The following FAAP20 variants were observed in gnomAD, a reference collection of about 807,000 sequenced individuals.
The protein encoded by FAAP20 is Fanconi anemia core complex-associated protein 20.
In FAAP20, 12 loss-of-function variants were observed where a neutral mutation model predicts 16.2. The ratio of observed to expected loss-of-function variants is 0.74; its 90% confidence interval spans 0.48 to 1.20. FAAP20 has a LOEUF of 1.20. Ranked by LOEUF, FAAP20 falls within the 50% of genes most tolerant of loss-of-function variation. The pLI, the probability that FAAP20 is intolerant of heterozygous loss-of-function variation, is 0.00. For synonymous variants in FAAP20, 141 were observed against 110.7 expected (o/e 1.27, Z -1.72); for missense variants, 288 against 245.8 (o/e 1.17, Z -1.15).
At chr1:2,192,952 C>T (rs746106653) in intron 3 of FAAP20, 39 of 1,303,930 alleles carry the variant, frequency 3.0e-5, no homozygotes, top group Non-Finnish European at 3.6e-5. Flanking sequence ...CCGGTGCCTT[C>T]GCATTCCCGA....
chr1:2,195,444 C>T (rs1688772962), upstream of FAAP20, among the ~76,000 whole-genome samples: 1 of 152,248 alleles, frequency 6.6e-6, no homozygotes, highest in South Asian at 2.1e-4. Flanking sequence ...TCTCCCTTGG[C>T]CCTGCTGGGC....
At chr1:2,193,445 G>A in intron 3 of FAAP20, 194 bp downstream of exon 3, 1 of 847,270 alleles carries the variant, frequency 1.2e-6, no homozygotes, top group Non-Finnish European at 1.7e-6. Context: ...ACAGAGCACG[G>A]CAAGCAGGTG....
chr1:2,211,424 TATATATA>T (rs1689438744), downstream of FAAP20, among the ~76,000 whole-genome samples: 4 of 30,744 alleles, frequency 1.3e-4, no homozygotes, highest in East Asian at 9.7e-4. Flanking sequence ...TATATATATA[TATATATA>T]TATATTTTTT....
At chr1:2,185,340 G>A (rs898954504), downstream of FAAP20, 6 of 718,676 alleles carry the variant, frequency 8.3e-6, no homozygotes, top group Middle Eastern at 2.3e-4. Flanking sequence ...GACCTGCTCC[G>A]CCAGGAAAGT....
At chr1:2,210,444 A>G (rs1020262656), downstream of FAAP20, among the ~76,000 whole-genome samples, 3 of 151,886 alleles carry the variant, frequency 2.0e-5, no homozygotes, top group Non-Finnish European at 4.4e-5. Flanking sequence ...CCCACCCCAG[A>G]CCCTGCCCTC....
At chr1:2,211,436 T>TATATATATATATA (rs1491468080), downstream of FAAP20, among the ~76,000 whole-genome samples, 6 of 7,444 alleles carry the variant, frequency 8.1e-4, no homozygotes, top group African/African-American at 1.7e-3. Context: ...TATATATATA[T>TATATATATATATA]TTTTTTTTTT....
intron 3 of FAAP20, chr1:2,192,308 C>T (rs777456184): frequency 3.1e-5 from 31 of 986,602 alleles, no homozygotes; most frequent in Non-Finnish European, 3.7e-5. Context: ...CTCTCCCTTA[C>T]GATCAAGTGT....
chr1:2,202,521 T>C (rs943330227), upstream of FAAP20, among the ~76,000 whole-genome samples: 1 of 152,202 alleles, frequency 6.6e-6, no homozygotes, highest in African/African-American at 2.4e-5. Context: ...TGGAGTCTAG[T>C]GGCATGATCT....
At chr1:2,201,839 A>T (rs1040993482), upstream of FAAP20, among the ~76,000 whole-genome samples, 4 of 151,956 alleles carry the variant, frequency 2.6e-5, no homozygotes, top group African/African-American at 9.7e-5. Context: ...AACACGGTGA[A>T]ACCCTGTTTC....
chr1:2,211,126 C>T (rs913072105), downstream of FAAP20, among the ~76,000 whole-genome samples: 1 of 152,104 alleles, frequency 6.6e-6, no homozygotes, highest in African/African-American at 2.4e-5. Context: ...TGCTGTACAC[C>T]ATACCCCTAC....
At chr1:2,193,060 G>A in intron 3 of FAAP20, 4 of 1,258,528 alleles carry the variant, frequency 3.2e-6, no homozygotes, top group Non-Finnish European at 4.2e-6. Flanking sequence ...TCAACCAAAA[G>A]TTACGAACCA....
upstream of FAAP20, among the ~76,000 whole-genome samples, chr1:2,201,553 C>G (rs1438257582): frequency 6.6e-6 from 1 of 152,136 alleles, no homozygotes; most frequent in Non-Finnish European, 1.5e-5. Flanking sequence ...AAAACCCCAT[C>G]TCTACTAAAA....
upstream of FAAP20, chr1:2,203,711 A>C (rs1202351644): frequency 1.1e-6 from 1 of 938,040 alleles, no homozygotes; most frequent in Admixed American, 6.2e-5. Flanking sequence ...CTGTTCCTTG[A>C]GCGGTCCTGG....
At chr1:2,190,138 G>A (rs1035258269) in intron 3 of FAAP20, 1 of 511,672 alleles carries the variant, frequency 2.0e-6, no homozygotes, top group Admixed American at 2.3e-5. Flanking sequence ...AAGGCAGGAC[G>A]GCGGGTGGCC....
Position 2,189,788 on chromosome 1 carries a change from G to T in FAAP20, c.471-7C>A. On this transcript the variant is annotated splice_region_variant and splice_polypyrimidine_tract_variant and intron_variant, in intron 3 of 3. Transcript: ENST00000378546. ...AACATCCAGCTGGGTCAGCCTGCAA[G>T]GGAGGGGCCACACTCACTCGGCCAC... 6.2e-7 allele frequency: 1 copy of T among 1,609,470 alleles called. No individual in the cohort carries two copies. Among genetic ancestry groups the T allele is most frequent in the Non-Finnish European group, 8.5e-7 (1 of 1,176,714 alleles).
chr1:2,208,586 G>A (rs1299083420), downstream of FAAP20, among the ~76,000 whole-genome samples: 1 of 152,158 alleles, frequency 6.6e-6, no homozygotes, highest in Non-Finnish European at 1.5e-5. Flanking sequence ...TGGTACAGGT[G>A]GCCCCAGCAC....
At chr1:2,199,490 G>C (rs1051135790), upstream of FAAP20, 1 of 992,914 alleles carries the variant, frequency 1.0e-6, no homozygotes, top group Non-Finnish European at 1.2e-6. This position sits in a 1 kb window ranked among gnomAD's most constrained non-coding sequence, Gnocchi z 4.5. Context: ...CTACCCAGGA[G>C]GGCGGTCCTG....
At chr1:2,211,222 CTTTCTT>C (rs1689424908), downstream of FAAP20, among the ~76,000 whole-genome samples, 1 of 132,748 alleles carries the variant, frequency 7.5e-6, no homozygotes, top group South Asian at 2.4e-4. Flanking sequence ...CTTTTTCTTT[CTTTCTT>C]TTTTTTTTTT....
At chr1:2,204,193 A>T (rs1689150790), upstream of FAAP20, among the ~76,000 whole-genome samples, 1 of 152,206 alleles carries the variant, frequency 6.6e-6, no homozygotes, top group African/African-American at 2.4e-5. Flanking sequence ...GCCCATGGTC[A>T]CTATCTCTGC....
Sources: allele counts gnomAD v4.1 joint callset (sites outside exome capture counted in the v4.1 genomes callset), GRCh38; gene constraint gnomAD v4.1.1; non-coding constraint Gnocchi (gnomAD v3.1); transcripts MANE v1.5; gene names NCBI Gene and HGNC (gene_info 2026-07-23, HGNC 2026-07-21).